CIT: variants seen among roughly 807,000 people sequenced by gnomAD.
CIT encodes the protein citron rho-interacting serine/threonine kinase.
A neutral mutation model predicts 272.7 loss-of-function variants in CIT; 79 were observed. The ratio of observed to expected loss-of-function variants is 0.29; its 90% CI spans 0.24 to 0.35. The LOEUF is 0.35. CIT is among the 10% of genes least tolerant of loss of function. The probability of loss-of-function intolerance (pLI) is 1.00; values close to 1 mark genes in which losing one functional copy is unlikely to be tolerated. For missense variants in CIT, 1,909 were observed against 2,618.3 expected (o/e 0.73, Z 5.91); for synonymous variants, 948 against 995.6 (o/e 0.95, Z 0.90).
chr12:119,712,286 G>T lies in CIT; in HGVS notation c.4746C>A (p.Thr1582=). ...HPHTTCWPGR[T]LYLLAPSFPD... is the part of the protein sequence containing the mutation. ...GGAAGCTGGGAGCTAGCAAGTAGAG[G>T]GTTCTCCCGGGCCAGCAGGTGGTGT... Residue 1582 remains threonine, a synonymous_variant, in exon 37 of 48, where the codon ACC becomes ACA. Coordinates refer to ENST00000392521, the MANE Select transcript of CIT (RefSeq NM_001206999.2). The surrounding 1 kb of genome is among the most constrained non-coding windows in gnomAD (Gnocchi z 5.2). 1.2e-6 allele frequency: 2 copies of T among 1,614,194 alleles called. No homozygotes were observed. Among genetic ancestry groups the T allele is most frequent in the South Asian group, 2.2e-5 (2 of 91,078 alleles).
At chr12:119,812,860 C>G (rs1047823173) in intron 9 of CIT, among the ~76,000 whole-genome samples, 1 of 151,672 alleles carries the variant, frequency 6.6e-6, no homozygotes. Context: ...AGGAGGTTAT[C>G]TGGCTCATGA....
chr12:119,772,959 A>T (rs1408997977), intron 16 of CIT, 49 bp from the exon 17 acceptor site: 1 of 1,562,932 alleles, frequency 6.4e-7, no homozygotes, highest in Non-Finnish European at 8.7e-7. Flanking sequence ...TTATTCATAT[A>T]AAAAGATGGT....
chr12:119,803,976 T>G, intron 9 of CIT: 1 of 183,800 alleles, frequency 5.4e-6, no homozygotes, highest in Non-Finnish European at 1.0e-5. Context: ...GACTCCGAGA[T>G]CTTATTAACC....
intron 2 of CIT, among the ~76,000 whole-genome samples, chr12:119,873,155 G>A (rs953150543): frequency 6.6e-6 from 1 of 151,970 alleles, no homozygotes; most frequent in Non-Finnish European, 1.5e-5. Context: ...TCATGAGGCT[G>A]AAGTGAGATA....
At chr12:119,798,317 C>T (rs1430169291) in intron 10 of CIT, among the ~76,000 whole-genome samples, 1 of 152,180 alleles carries the variant, frequency 6.6e-6, no homozygotes, top group Non-Finnish European at 1.5e-5. Flanking sequence ...GTACCCCACA[C>T]AAATTTCCCA....
At position 119,712,977 on chromosome 12, in the gene CIT, A is replaced by G. The variant is rs1957246955; in HGVS notation, c.4579+226T>C. 1 of 592,488 alleles carries G rather than the reference A, an allele frequency of 1.7e-6. No homozygotes were observed. The highest frequency in any genetic ancestry group is 3.1e-5 in the Admixed American group (1 of 32,174). The allele number at this position is 592,488 out of a possible 1,614,324, so 36.7% of individuals were successfully genotyped here. A position where few individuals can be genotyped will look rare whatever the true frequency, so the allele number is the denominator to read the frequency against. On this transcript the variant is annotated intron_variant, in intron 35 of 47. Coordinates refer to ENST00000392521, the MANE Select transcript of CIT (RefSeq NM_001206999.2). The surrounding 1 kb of genome is among the most constrained non-coding windows in gnomAD (Gnocchi z 5.2). ...AGAAGTTCTCGGAAGGTGTATTAGCAGGTGGAATCTTCAGGGCAGCGCCCT... is the reference window on the plus strand; with the variant it reads ...AGAAGTTCTCGGAAGGTGTATTAGCGGGTGGAATCTTCAGGGCAGCGCCCT...
chr12:119,795,789 G>A (rs374374829), intron 10 of CIT, among the ~76,000 whole-genome samples: 2 of 152,106 alleles, frequency 1.3e-5, no homozygotes, highest in East Asian at 1.9e-4. Flanking sequence ...TGTAAAATGG[G>A]GATAATATCA....
At chr12:119,802,856 T>C (rs1162670872) in intron 10 of CIT, among the ~76,000 whole-genome samples, 1 of 152,080 alleles carries the variant, frequency 6.6e-6, no homozygotes, top group African/African-American at 2.4e-5. Context: ...GATGGGCAGC[T>C]CATCTTAACT....
rs1963695624 is a variant in CIT, at chr12:119,775,834, A to G, written c.1893T>C (p.Asn631=). 6.8e-6 allele frequency: 11 copies of G among 1,613,048 alleles called. No individual in the cohort carries two copies. Among genetic ancestry groups the G allele is most frequent in the Non-Finnish European group, 8.5e-6 (10 of 1,179,376 alleles). Residue 631 remains asparagine (N), a synonymous_variant, in exon 16 of 48, where the codon AAT becomes AAC. Coordinates refer to ENST00000392521, the MANE Select transcript of CIT (RefSeq NM_001206999.2). ...CCTGAATTTTGAGCTGCTGCTCAGC[A>G]TTGATCTATAATTAAAATCCCAGGA... The part of the protein sequence containing the change: ...VGEYAKLEKI[N]AEQQLKIQEL...
At chr12:119,807,585 T>C (rs947623149) in intron 9 of CIT, among the ~76,000 whole-genome samples, 2 of 152,150 alleles carry the variant, frequency 1.3e-5, no homozygotes, top group Non-Finnish European at 2.9e-5. Context: ...AGGTACCTAG[T>C]AGGTGCAGAG....
At chr12:119,780,408 G>A (rs1331293007) in intron 13 of CIT, among the ~76,000 whole-genome samples, 3 of 152,294 alleles carry the variant, frequency 2.0e-5, no homozygotes, top group East Asian at 1.9e-4. Flanking sequence ...CAGGAGGTCA[G>A]GAGTTCGAGA....
intron 8 of CIT, 91 bp from the exon 9 acceptor site, chr12:119,823,064 G>T: frequency 7.4e-7 from 1 of 1,353,366 alleles, no homozygotes; most frequent in Non-Finnish European, 1.0e-6. Flanking sequence ...ATATATGCAA[G>T]TTTCTTTTTT....
intron 3 of CIT, among the ~76,000 whole-genome samples, chr12:119,863,827 A>C (rs1258430308): frequency 6.6e-6 from 1 of 150,994 alleles, no homozygotes; most frequent in Non-Finnish European, 1.5e-5. Flanking sequence ...ACCACGCCGG[A>C]CCAAAAGTTT....
intron 29 of CIT, among the ~76,000 whole-genome samples, chr12:119,720,836 T>C (rs1310506690): frequency 6.6e-6 from 1 of 152,222 alleles, no homozygotes; most frequent in Non-Finnish European, 1.5e-5. Context: ...TATAGAAATC[T>C]TCCAACTTCT....
Position 119,717,838 on chromosome 12 carries a change from C to CTTTTTTTT in CIT, c.4168+399_4168+406dup, listed in dbSNP as rs10699099. Among the ~76,000 whole-genome samples, 101 of 81,316 alleles carry CTTTTTTTT rather than the reference C, an allele frequency of 1.2e-3. 3 individuals carry two copies. The highest frequency in any genetic ancestry group is 2.9e-3 in the African/African-American group (59 of 20,206). 53.3% of individuals were successfully genotyped at this position (81,316 alleles called of 152,430 possible). On this transcript the variant is annotated intron_variant, in intron 32 of 47. Coordinates refer to ENST00000392521, the MANE Select transcript of CIT (RefSeq NM_001206999.2). The stretch of plus-strand genomic sequence containing the variant: ...GGGGAGCCAGGAGACTGACTTCTTT[C>CTTTTTTTT]TTTTTTTTTTTTTTTTTTTTGAGAT...
intron 7 of CIT, among the ~76,000 whole-genome samples, chr12:119,825,959 T>C (rs1316932595): frequency 6.6e-6 from 1 of 151,984 alleles, no homozygotes; most frequent in African/African-American, 2.4e-5. Context: ...TCCCAGCTAC[T>C]CGGGAGGCTG....
In CIT at chr12:119,688,237, C is replaced by T; in HGVS notation, c.6205G>A (p.Val2069Ile). The T allele has an allele frequency of 6.2e-7, 1 of 1,613,452 alleles. No individual in the cohort carries two copies. The highest frequency in any genetic ancestry group is 8.5e-7 in the Non-Finnish European group (1 of 1,179,676). Residue 2069 changes from valine to isoleucine, a missense_variant, in exon 48 of 48, where the codon GTA becomes ATA. Coordinates refer to ENST00000392521, the MANE Select transcript of CIT (RefSeq NM_001206999.2). Reference sequence around the variant, plus strand: ...TTGGTTTTTCTGGCTGAGATTTATACTGAAGACTGGTCCCAGACCTAGGAG... The same window carrying T: ...TTGGTTTTTCTGGCTGAGATTTATATTGAAGACTGGTCCCAGACCTAGGAG... Reference protein sequence around the residue: ...QVNKVWDQSSV With the variant: ...QVNKVWDQSSI
intron 9 of CIT, among the ~76,000 whole-genome samples, chr12:119,820,326 A>AGATC (rs1015879069): frequency 2.6e-5 from 4 of 151,968 alleles, no homozygotes; most frequent in African/African-American, 9.7e-5. Flanking sequence ...TAAGGTAGGC[A>AGATC]GATCACCTGA....
intron 5 of CIT, among the ~76,000 whole-genome samples, chr12:119,844,166 C>T (rs1235823372): frequency 4.0e-5 from 6 of 151,788 alleles, no homozygotes; most frequent in Non-Finnish European, 7.4e-5. Flanking sequence ...GGATTACAGG[C>T]GCCCACCATC....
Sources: allele counts gnomAD v4.1 joint callset (sites outside exome capture counted in the v4.1 genomes callset), GRCh38; gene constraint gnomAD v4.1.1; non-coding constraint Gnocchi (gnomAD v3.1); transcripts MANE v1.5; gene names NCBI Gene and HGNC (gene_info 2026-07-23, HGNC 2026-07-21).